The following UVRAG variants were observed in gnomAD, a reference collection of about 807,000 sequenced individuals.
UVRAG encodes UV radiation resistance-associated gene protein.
In UVRAG, 19 loss-of-function variants were observed where a neutral mutation model predicts 78.0. That is an observed-to-expected ratio of 0.24 (90% CI 0.17 to 0.36). The LOEUF (loss-of-function observed/expected upper bound fraction) is 0.36. UVRAG is among the 10% of genes least tolerant of loss of function. UVRAG has a pLI of 1.00. For synonymous variants in UVRAG, 323 were observed against 324.6 expected (o/e 1.00, Z 0.05); for missense variants, 740 against 853.8 (o/e 0.87, Z 1.66).
intron 7 of UVRAG, among the ~76,000 whole-genome samples, chr11:75,968,758 A>G (rs1205550453): frequency 1.3e-5 from 2 of 152,148 alleles, no homozygotes; most frequent in African/African-American, 4.8e-5. Flanking sequence ...GGTAGAATTC[A>G]ATTTACATAT....
At position 75,971,476 on chromosome 11, in the gene UVRAG, G is replaced by A. The variant is rs567713105; in HGVS notation, c.699+9927G>A. ...CCCCACCTTCAATGAATGACAGTTC[G>A]TGTTGTTCCATATCTTTGCCAGCAT... On this transcript the variant is annotated intron_variant, in intron 7 of 14. Coordinates refer to ENST00000356136, the MANE Select transcript of UVRAG (RefSeq NM_003369.4). Among the ~76,000 whole-genome samples, 10 of 152,302 alleles carry A rather than the reference G, an allele frequency of 6.6e-5. No individual in the cohort carries two copies. The South Asian group carries it at 1.2e-3, about 19-fold the overall frequency.
intron 6 of UVRAG, among the ~76,000 whole-genome samples, chr11:75,913,072 C>G (rs1947773409): frequency 6.6e-6 from 1 of 152,088 alleles, no homozygotes; most frequent in South Asian, 2.1e-4. Flanking sequence ...ATTTTAATGC[C>G]TGTTCAGTTT....
At chr11:75,966,343 C>T (rs1292848814) in intron 7 of UVRAG, among the ~76,000 whole-genome samples, 1 of 151,962 alleles carries the variant, frequency 6.6e-6, no homozygotes, top group African/African-American at 2.4e-5. Flanking sequence ...TGTTGTGATA[C>T]AATGTTTTGA....
intron 14 of UVRAG, among the ~76,000 whole-genome samples, chr11:76,126,110 C>T (rs535932961): frequency 1.5e-5 from 2 of 135,788 alleles, no homozygotes; most frequent in South Asian, 2.2e-4. Context: ...CCACCTCACC[C>T]GGCTAATTTT....
chr11:75,816,808 T>C (rs1945271512), intron 1 of UVRAG, among the ~76,000 whole-genome samples: 1 of 151,690 alleles, frequency 6.6e-6, no homozygotes, highest in Admixed American at 6.6e-5. Flanking sequence ...AAGGGAGAGG[T>C]TGTAGGGGAG....
chr11:76,021,747 C>T (rs192157084), intron 12 of UVRAG, among the ~76,000 whole-genome samples: 1 of 152,238 alleles, frequency 6.6e-6, no homozygotes, highest in African/African-American at 2.4e-5. Flanking sequence ...TTATTGACCA[C>T]TGGTTGTTTA....
At chr11:75,866,982 T>G (rs1946553157) in intron 3 of UVRAG, among the ~76,000 whole-genome samples, 1 of 152,350 alleles carries the variant, frequency 6.6e-6, no homozygotes, top group Admixed American at 6.5e-5. Context: ...TAGCAGTCTT[T>G]CCTTTTTTCA....
chr11:75,981,803 C>G (rs1408211832), intron 7 of UVRAG, among the ~76,000 whole-genome samples: 1 of 152,002 alleles, frequency 6.6e-6, no homozygotes, highest in Admixed American at 6.6e-5. Context: ...AGACTTTTCC[C>G]TGCTTCCTCT....
At chr11:75,858,076 G>A (rs1390045966) in intron 2 of UVRAG, among the ~76,000 whole-genome samples, 5 of 151,828 alleles carry the variant, frequency 3.3e-5, no homozygotes, top group Admixed American at 6.6e-5. Flanking sequence ...ATGCAGAACT[G>A]CAGAACCATG....
intron 6 of UVRAG, among the ~76,000 whole-genome samples, chr11:75,920,695 T>G (rs1196068321): frequency 6.6e-6 from 1 of 152,202 alleles, no homozygotes; most frequent in South Asian, 2.1e-4. Context: ...TCCATCTGTA[T>G]TTTTTCCCAT....
In UVRAG at chr11:76,140,750, G is replaced by C; in HGVS notation, c.1437G>C (p.Lys479Asn). 1 of 1,608,128 alleles carries C rather than the reference G, an allele frequency of 6.2e-7. No homozygotes were observed. Among genetic ancestry groups the C allele is most frequent in the Non-Finnish European group, 8.5e-7 (1 of 1,178,022 alleles). The change falls in exon 15 of 15, where the codon AAG becomes AAC. Residue 479 changes from lysine (K) to asparagine (N), a missense_variant. By Grantham distance (94) the Lys-to-Asn change is moderately conservative. Transcript: ENST00000356136. The part of the protein sequence containing the change: ...HHTSSAIPVP[K>N]RQSSIFGGAD... ...CCTCCAGTGCAATCCCTGTTCCTAA[G>C]AGACAAAGCTCCATATTTGGGGGTG...
At chr11:76,089,212 A>C (rs901985366) in intron 13 of UVRAG, among the ~76,000 whole-genome samples, 1 of 152,188 alleles carries the variant, frequency 6.6e-6, no homozygotes, top group Non-Finnish European at 1.5e-5. Context: ...AAGTGGGGTG[A>C]GATTAAGGAG....
rs879735722 is a variant in UVRAG, at chr11:75,869,372, G to A, written c.270+7592G>A. On this transcript the variant is annotated intron_variant, in intron 3 of 14. Transcript: ENST00000356136. ...CTTTGGGAAAAAAACTGGCTAAACA[G>A]TACAAATACTTTTTATGAGTTACTG... Among the ~76,000 whole-genome samples, 151 of 152,316 alleles carry A rather than the reference G, an allele frequency of 9.9e-4. 1 individual carries two copies. Among genetic ancestry groups the A allele is most frequent in the Non-Finnish European group, 6.0e-4 (41 of 68,010 alleles).
intron 3 of UVRAG, among the ~76,000 whole-genome samples, chr11:75,876,253 C>T (rs1406062686): frequency 6.6e-6 from 1 of 152,154 alleles, no homozygotes; most frequent in Non-Finnish European, 1.5e-5. Context: ...AAATGGATGG[C>T]TCCCTTCCAT....
chr11:75,862,903 C>G (rs1445143249), intron 3 of UVRAG, among the ~76,000 whole-genome samples: 1 of 152,184 alleles, frequency 6.6e-6, no homozygotes, highest in Non-Finnish European at 1.5e-5. Flanking sequence ...TGCTCAGTAA[C>G]TACTTGTTAA....
chr11:76,001,820 G>A (rs1949819560), intron 8 of UVRAG, among the ~76,000 whole-genome samples: 1 of 152,140 alleles, frequency 6.6e-6, no homozygotes, highest in African/African-American at 2.4e-5. Flanking sequence ...TACTGATAAT[G>A]GATAGTTAAT....
chr11:76,016,765 A>T, intron 11 of UVRAG, 50 bp from the exon 12 acceptor site: 1 of 1,435,706 alleles, frequency 7.0e-7, no homozygotes. Flanking sequence ...TCTTATGGTT[A>T]TTTATAAGGT....
At chr11:75,887,127 G>A (rs1004860347) in intron 4 of UVRAG, among the ~76,000 whole-genome samples, 4 of 149,756 alleles carry the variant, frequency 2.7e-5, no homozygotes, top group South Asian at 4.2e-4. Context: ...GCACTGCCAC[G>A]CCCAGCTAAT....
At chr11:75,823,338 C>T (rs1283033664) in intron 1 of UVRAG, among the ~76,000 whole-genome samples, 1 of 152,124 alleles carries the variant, frequency 6.6e-6, no homozygotes, top group African/African-American at 2.4e-5. Flanking sequence ...CTGTGCTCCC[C>T]CTTCTTGAGG....
Sources: allele counts gnomAD v4.1 joint callset (sites outside exome capture counted in the v4.1 genomes callset), GRCh38; gene constraint gnomAD v4.1.1; transcripts MANE v1.5; gene names NCBI Gene and HGNC (gene_info 2026-07-23, HGNC 2026-07-21).